The following SPACA7 variants were observed in gnomAD, a reference collection of about 807,000 sequenced individuals.
The protein encoded by SPACA7 is sperm acrosome associated 7.
SPACA7 carries 19 observed loss-of-function variants against 26.3 expected under a neutral mutation model. That is an observed-to-expected ratio of 0.72 (90% CI 0.50 to 1.06). The LOEUF is 1.06. Among genes scored for constraint, SPACA7 ranks in the 50% least tolerant of loss-of-function variants. The pLI is 0.00. For missense variants in SPACA7, 211 were observed against 229.9 expected, an observed-to-expected ratio of 0.92 and a Z score of 0.53; for synonymous variants, 84 against 84.5, an observed-to-expected ratio of 0.99 and a Z score of 0.04.
At chr13:112,388,811 G>T (rs1403878698) in intron 1 of SPACA7, among the ~76,000 whole-genome samples, 1 of 152,186 alleles carries the variant, frequency 6.6e-6, no homozygotes, top group African/African-American at 2.4e-5. Flanking sequence ...AAGATAACTT[G>T]GTGGGTGGGG....
At chr13:112,391,010 G>A (rs955729050) in intron 1 of SPACA7, among the ~76,000 whole-genome samples, 2 of 152,218 alleles carry the variant, frequency 1.3e-5, no homozygotes, top group African/African-American at 4.8e-5. Context: ...CAAAAGGGAG[G>A]AGAGTCTGGT....
chr13:112,384,981 A>G (rs1884430413), intron 1 of SPACA7, among the ~76,000 whole-genome samples: 1 of 152,228 alleles, frequency 6.6e-6, no homozygotes, highest in African/African-American at 2.4e-5. Context: ...TAAGATTTTT[A>G]TAAACTTTTA....
intron 1 of SPACA7, among the ~76,000 whole-genome samples, chr13:112,383,130 AAAGAAAG>A (rs1884255986): frequency 3.0e-4 from 1 of 3,282 alleles, no homozygotes; most frequent in African/African-American, 8.9e-4. Flanking sequence ...GAAAAGAAAG[AAAGAAAG>A]AAAGAAAGAA....
intron 2 of SPACA7, among the ~76,000 whole-genome samples, chr13:112,393,692 C>T (rs1325099325): frequency 1.3e-5 from 2 of 152,288 alleles, no homozygotes; most frequent in Non-Finnish European, 2.9e-5. Flanking sequence ...AGAAACACAG[C>T]ATGAGCCGAA....
In SPACA7 at chr13:112,401,206, C is replaced by A. The variant is rs536917367; in HGVS notation, c.445+42C>A. 2.0e-6 allele frequency: 3 copies of A among 1,501,202 alleles called. No homozygotes were observed. In the South Asian group the frequency reaches 3.4e-5, roughly 17 times the overall value. 93.0% of individuals were successfully genotyped at this position (1,501,202 alleles called of 1,614,324 possible). On this transcript the variant is annotated intron_variant, in intron 5 of 6. Transcript: ENST00000283550. ...CACACTGAGAGCTCTGTGGGAGAGA[C>A]GGAGGCATGAGTGTGTGAGGTGACT...
chr13:112,397,648 C>A (rs778050638), intron 2 of SPACA7, among the ~76,000 whole-genome samples: 39 of 152,128 alleles, frequency 2.6e-4, no homozygotes, highest in Non-Finnish European at 5.4e-4. Flanking sequence ...GAAGAAAATG[C>A]GGCTGTGTTG....
intron 5 of SPACA7, among the ~76,000 whole-genome samples, chr13:112,405,838 T>C (rs1447448686): frequency 6.6e-6 from 1 of 152,168 alleles, no homozygotes; most frequent in East Asian, 1.9e-4. Context: ...TCCTGTGTTA[T>C]TTGGTGCATA....
intron 5 of SPACA7, among the ~76,000 whole-genome samples, chr13:112,405,865 A>G (rs1440412313): frequency 1.3e-5 from 2 of 152,146 alleles, no homozygotes; most frequent in Non-Finnish European, 2.9e-5. Context: ...TATGAATATT[A>G]TATCTTCGTT....
intron 5 of SPACA7, among the ~76,000 whole-genome samples, chr13:112,413,797 A>T (rs939755667): frequency 1.3e-5 from 2 of 152,146 alleles, no homozygotes; most frequent in African/African-American, 4.8e-5. Context: ...TAAATGGCCT[A>T]AGTATTAGTC....
At chr13:112,412,558 T>C (rs1303677807) in intron 5 of SPACA7, among the ~76,000 whole-genome samples, 1 of 152,134 alleles carries the variant, frequency 6.6e-6, no homozygotes, top group African/African-American at 2.4e-5. Flanking sequence ...GTTTTTCTAA[T>C]GTTTACTTCT....
At chr13:112,416,536 C>G (rs992395876) in intron 5 of SPACA7, among the ~76,000 whole-genome samples, 6 of 152,166 alleles carry the variant, frequency 3.9e-5, no homozygotes, top group African/African-American at 1.4e-4. Flanking sequence ...ATCCACCCAC[C>G]TTGGCCTCTC....
At chr13:112,405,233 G>T (rs1445243869) in intron 5 of SPACA7, among the ~76,000 whole-genome samples, 1 of 151,732 alleles carries the variant, frequency 6.6e-6, no homozygotes, top group Admixed American at 6.6e-5. Flanking sequence ...TTCTGCCTTT[G>T]TCACTAATAT....
intron 4 of SPACA7, among the ~76,000 whole-genome samples, chr13:112,399,423 C>T (rs1885495465): frequency 6.6e-6 from 1 of 152,248 alleles, no homozygotes; most frequent in Non-Finnish European, 1.5e-5. Flanking sequence ...AGAAATGTCT[C>T]ATGGGCAGGC....
intron 5 of SPACA7, among the ~76,000 whole-genome samples, chr13:112,418,031 A>G (rs1886800858): frequency 6.6e-6 from 1 of 152,190 alleles, no homozygotes; most frequent in Non-Finnish European, 1.5e-5. Flanking sequence ...ACACAGGCCT[A>G]GGCAGCTGCC....
At position 112,434,630 on chromosome 13, in the gene SPACA7, G is replaced by A; in HGVS notation, c.*81G>A. Reference sequence around the variant, plus strand: ...CCAGCCTCCGGAACAGGGCACTTGTGTGCACACGCCCACGTTCTCTGAACC... The same window carrying A: ...CCAGCCTCCGGAACAGGGCACTTGTATGCACACGCCCACGTTCTCTGAACC... On this transcript the variant is annotated 3_prime_UTR_variant, in exon 7 of 7. Transcript: ENST00000283550. 8.8e-7 allele frequency: 1 copy of A among 1,130,994 alleles called. No individual in the cohort carries two copies. The highest frequency in any genetic ancestry group is 1.3e-5 in the South Asian group (1 of 75,566). The allele number at this position is 1,130,994 out of a possible 1,614,324, so 70.1% of individuals were successfully genotyped here. A position where few individuals can be genotyped will look rare whatever the true frequency, so the allele number is the denominator to read the frequency against.
At chr13:112,397,795 G>C (rs1232621854) in intron 2 of SPACA7, among the ~76,000 whole-genome samples, 1 of 152,196 alleles carries the variant, frequency 6.6e-6, no homozygotes, top group East Asian at 1.9e-4. Flanking sequence ...TTGTACCTTT[G>C]GGGGGCAATG....
intron 1 of SPACA7, among the ~76,000 whole-genome samples, chr13:112,383,142 AAAG>A (rs1884268645): frequency 2.4e-4 from 13 of 53,746 alleles, no homozygotes; most frequent in African/African-American, 6.7e-4. Flanking sequence ...AGAAAGAAAG[AAAG>A]AAAGAAAGAA....
rs569590116 is a variant in SPACA7 at position 112,401,171 on chromosome 13, G to A, written c.445+7G>A. ...AAGAGTGTTTCCAGTAAAGGTAAAT[G>A]TGCCCTGCCCACACTGAGAGCTCTG... On this transcript the variant is annotated splice_region_variant and intron_variant, in intron 5 of 6. Transcript: ENST00000283550. 61 of 1,608,662 alleles carry A rather than the reference G, an allele frequency of 3.8e-5. No individual in the cohort carries two copies. The South Asian group carries it at 5.9e-4, about 16-fold the overall frequency.
At chr13:112,430,170 C>CTGTGTGTGTGTGTGTGTGTG (rs1437758497) in intron 5 of SPACA7, among the ~76,000 whole-genome samples, 1 of 115,080 alleles carries the variant, frequency 8.7e-6, no homozygotes. Context: ...TTGCATCTCT[C>CTGTGTGTGTGTGTGTGTGTG]TCTCTGTGTG....
Sources: allele counts gnomAD v4.1 joint callset (sites outside exome capture counted in the v4.1 genomes callset), GRCh38; gene constraint gnomAD v4.1.1; transcripts MANE v1.5; gene names NCBI Gene and HGNC (gene_info 2026-07-23, HGNC 2026-07-21).